MAGI2: variants seen among roughly 807,000 people sequenced by gnomAD.
The protein encoded by MAGI2 is membrane associated guanylate kinase, WW and PDZ domain containing 2.
MAGI2 carries 35 observed loss-of-function variants against 133.3 expected under a neutral mutation model. The observed-to-expected ratio is 0.26, with a 90% CI of 0.20 to 0.35. MAGI2 has a LOEUF of 0.35. Among genes scored for constraint, MAGI2 ranks in the 10% least tolerant of loss-of-function variants. The pLI, the probability that MAGI2 is intolerant of heterozygous loss-of-function variation, is 1.00. For synonymous variants in MAGI2, 729 were observed against 710.6 expected, an observed-to-expected ratio of 1.03 and a Z score of -0.41; for missense variants, 1,636 against 1,863.4, an observed-to-expected ratio of 0.88 and a Z score of 2.25.
chr7:78,563,309 A>C (rs1800598538), intron 3 of MAGI2, among the ~76,000 whole-genome samples: 1 of 152,128 alleles, frequency 6.6e-6, no homozygotes, highest in African/African-American at 2.4e-5. Flanking sequence ...TGGGCTACTG[A>C]AAGGACTGCT....
At chr7:79,408,509 A>C (rs1268490151) in intron 1 of MAGI2, among the ~76,000 whole-genome samples, 1 of 152,090 alleles carries the variant, frequency 6.6e-6, no homozygotes. Context: ...GCAGGAAAAA[A>C]CTATGGCCTA....
intron 2 of MAGI2, among the ~76,000 whole-genome samples, chr7:78,936,654 C>A (rs1800540548): frequency 6.6e-6 from 1 of 151,944 alleles, no homozygotes; most frequent in African/African-American, 2.4e-5. Context: ...ATTTCAAAAA[C>A]CACCTCATAA....
chr7:79,300,814 G>T (rs1179609798), intron 1 of MAGI2, among the ~76,000 whole-genome samples: 1 of 152,196 alleles, frequency 6.6e-6, no homozygotes, highest in Non-Finnish European at 1.5e-5. Context: ...AGGCCTAGGG[G>T]AAAGAATGTT....
chr7:78,957,768 C>T (rs547584916), intron 2 of MAGI2, among the ~76,000 whole-genome samples: 4 of 152,238 alleles, frequency 2.6e-5, no homozygotes, highest in Admixed American at 2.6e-4. Flanking sequence ...CCCACTCAGC[C>T]TGGCTCCAGA....
intron 3 of MAGI2, chr7:78,554,594 C>G (rs1391916585): frequency 6.6e-6 from 1 of 152,178 alleles, no homozygotes; most frequent in African/African-American, 2.4e-5. Context: ...CCCCGGAAGG[C>G]GGCCATAAAT....
intron 1 of MAGI2, among the ~76,000 whole-genome samples, chr7:79,397,633 A>ATAAC (rs1845156272): frequency 6.6e-6 from 1 of 152,056 alleles, no homozygotes; most frequent in South Asian, 2.1e-4. Flanking sequence ...ATTTCTTGAT[A>ATAAC]TTTGTTAGTT....
chr7:78,802,393 A>G (rs914002533), intron 2 of MAGI2, among the ~76,000 whole-genome samples: 3 of 152,168 alleles, frequency 2.0e-5, no homozygotes, highest in South Asian at 4.1e-4. Context: ...ATTTTGTTCT[A>G]AGTGCAAATA....
intron 21 of MAGI2, among the ~76,000 whole-genome samples, chr7:78,054,855 G>A (rs1387781548): frequency 2.0e-5 from 3 of 151,982 alleles, no homozygotes; most frequent in Non-Finnish European, 2.9e-5. Context: ...GTCCCACTAC[G>A]TTGGCCAGGC....
At chr7:78,310,163 G>A (rs186886382) in intron 9 of MAGI2, among the ~76,000 whole-genome samples, 91 of 152,204 alleles carry the variant, frequency 6.0e-4, no homozygotes, top group African/African-American at 2.0e-3. Context: ...GTGGCCAGGC[G>A]TGGTGGCTCA....
intron 6 of MAGI2, among the ~76,000 whole-genome samples, chr7:78,398,716 C>A (rs1424757751): frequency 6.6e-6 from 1 of 152,058 alleles, no homozygotes; most frequent in Non-Finnish European, 1.5e-5. Context: ...AGGAGCCTAA[C>A]TTTCCTAAGT....
chr7:78,560,565 A>T (rs1326479446), intron 3 of MAGI2, among the ~76,000 whole-genome samples: 1 of 152,232 alleles, frequency 6.6e-6, no homozygotes, highest in Non-Finnish European at 1.5e-5. Flanking sequence ...AATTATGTTT[A>T]AAAACATGCA....
At chr7:78,324,287 A>C (rs767046057) in intron 9 of MAGI2, among the ~76,000 whole-genome samples, 4 of 151,858 alleles carry the variant, frequency 2.6e-5, no homozygotes, top group African/African-American at 4.8e-5. Context: ...CACACTTTAG[A>C]GATGGGACTT....
chr7:79,011,900 CCTTCCTTCCTTCCTTCCTTCCTTCCTTT>C (rs1562785150), intron 1 of MAGI2, among the ~76,000 whole-genome samples: 5 of 136,394 alleles, frequency 3.7e-5, no homozygotes, highest in African/African-American at 1.4e-4. Context: ...TTCCTTCCTT[CCTTCCTTCCTTCCTTCCTTCCTTCCTTT>C]CTTTCTTTCT....
intron 1 of MAGI2, 125 bp from the exon 2 acceptor site, chr7:79,007,331 ATCT>A (rs1807560594): frequency 8.5e-6 from 5 of 590,050 alleles, no homozygotes; most frequent in Non-Finnish European, 1.5e-5. Context: ...TGTTCTTTTG[ATCT>A]TCTCAAACAT....
intron 6 of MAGI2, among the ~76,000 whole-genome samples, chr7:78,419,096 G>A (rs1446460355): frequency 2.6e-5 from 4 of 152,142 alleles, no homozygotes; most frequent in Admixed American, 6.6e-5. Flanking sequence ...TACTGCATAT[G>A]CAATGTTTCC....
intron 1 of MAGI2, among the ~76,000 whole-genome samples, chr7:79,154,459 CA>C (rs1269050464): frequency 2.0e-5 from 3 of 152,140 alleles, no homozygotes; most frequent in Admixed American, 1.3e-4. Flanking sequence ...AGTAAAAGCA[CA>C]AATAAATTGG....
chr7:79,269,746 C>A (rs1181396302), intron 1 of MAGI2, among the ~76,000 whole-genome samples: 1 of 152,104 alleles, frequency 6.6e-6, no homozygotes, highest in African/African-American at 2.4e-5. Context: ...ATAGGCCAAG[C>A]TAAATTTAGC....
intron 6 of MAGI2, among the ~76,000 whole-genome samples, chr7:78,389,550 T>A (rs1281577123): frequency 6.6e-6 from 1 of 152,196 alleles, no homozygotes; most frequent in Non-Finnish European, 1.5e-5. Context: ...TAAAATGTTG[T>A]ACCTTTCTCA....
chr7:78,367,383 A>G (rs1457048747), intron 7 of MAGI2, among the ~76,000 whole-genome samples: 2 of 152,222 alleles, frequency 1.3e-5, no homozygotes, highest in Non-Finnish European at 2.9e-5. Flanking sequence ...AGCTGAAGAT[A>G]TGAAAAAACA....
Sources: allele counts gnomAD v4.1 joint callset (sites outside exome capture counted in the v4.1 genomes callset), GRCh38; gene constraint gnomAD v4.1.1; transcripts MANE v1.5; gene names NCBI Gene and HGNC (gene_info 2026-07-23, HGNC 2026-07-21).